Variants in POC1B observed in about 807,000 individuals in gnomAD.
POC1B encodes the protein POC1 centriolar protein B.
A neutral mutation model predicts 60.6 loss-of-function variants in POC1B; 44 were observed. The ratio of observed to expected loss-of-function variants is 0.73; its 90% CI spans 0.57 to 0.93. POC1B has a LOEUF of 0.93. POC1B is among the 40% of genes least tolerant of loss of function. The pLI is 0.00. For missense variants in POC1B, 555 were observed against 572.3 expected (o/e 0.97, Z 0.31); for synonymous variants, 180 against 198.9 (o/e 0.90, Z 0.80).
intron 4 of POC1B, among the ~76,000 whole-genome samples, chr12:89,486,761 T>G (rs1368336971): frequency 2.0e-5 from 3 of 152,176 alleles, no homozygotes; most frequent in Non-Finnish European, 4.4e-5. Flanking sequence ...GGAGCTAAAA[T>G]GAATGTCTTG....
intron 9 of POC1B, among the ~76,000 whole-genome samples, chr12:89,463,894 T>C (rs1485984808): frequency 2.0e-5 from 3 of 152,146 alleles, no homozygotes; most frequent in Non-Finnish European, 4.4e-5. Flanking sequence ...TTCAAACAAG[T>C]GAAGCGCTTA....
chr12:89,500,312 C>A, intron 2 of POC1B: 1 of 1,532,324 alleles, frequency 6.5e-7, no homozygotes, highest in South Asian at 1.1e-5. Context: ...TATTCAGTCA[C>A]CAAGCAAAGA....
At chr12:89,436,413 GA>G (rs1881269793) in intron 10 of POC1B, among the ~76,000 whole-genome samples, 1 of 152,100 alleles carries the variant, frequency 6.6e-6, no homozygotes, top group South Asian at 2.1e-4. Context: ...TAACCAGCAT[GA>G]TTCAAATAAG....
chr12:89,453,331 TA>T (rs1882129013), intron 10 of POC1B, among the ~76,000 whole-genome samples: 1 of 152,166 alleles, frequency 6.6e-6, no homozygotes, highest in Non-Finnish European at 1.5e-5. Flanking sequence ...GCAGTTAAGA[TA>T]AAAAGTCTCT....
At chr12:89,432,962 T>C (rs1474677202) in intron 10 of POC1B, among the ~76,000 whole-genome samples, 4 of 152,044 alleles carry the variant, frequency 2.6e-5, no homozygotes, top group Non-Finnish European at 4.4e-5. Flanking sequence ...GCCCTTGAGG[T>C]TGAAGACTAC....
intron 4 of POC1B, among the ~76,000 whole-genome samples, chr12:89,488,009 A>G (rs950191560): frequency 6.6e-6 from 1 of 152,130 alleles, no homozygotes; most frequent in African/African-American, 2.4e-5. Flanking sequence ...TCATCTCTAC[A>G]TACTTAATAT....
chr12:89,402,555 T>C, the POC1B span, among the ~76,000 whole-genome samples: 4 of 152,124 alleles, frequency 2.6e-5, no homozygotes, highest in African/African-American at 7.2e-5. Context: ...CCAGTGTTGG[T>C]TGTTTCCTTC....
intron 4 of POC1B, among the ~76,000 whole-genome samples, chr12:89,473,412 C>A (rs893863590): frequency 7.2e-5 from 11 of 151,962 alleles, no homozygotes. Flanking sequence ...GGCTCATGCC[C>A]GTAATCCCAG....
At chr12:89,441,073 G>A (rs530579633) in intron 10 of POC1B, among the ~76,000 whole-genome samples, 5 of 152,212 alleles carry the variant, frequency 3.3e-5, no homozygotes, top group African/African-American at 7.2e-5. Flanking sequence ...GGGGAGGGGC[G>A]TCTGCCATTG....
intron 2 of POC1B, among the ~76,000 whole-genome samples, chr12:89,518,547 G>C (rs1870588232): frequency 7.0e-6 from 1 of 142,964 alleles, no homozygotes; most frequent in Non-Finnish European, 1.5e-5. Context: ...ATAACATTTA[G>C]TCTTTTAAAG....
intron 2 of POC1B, among the ~76,000 whole-genome samples, chr12:89,518,324 A>G (rs1193977245): frequency 1.3e-5 from 2 of 152,188 alleles, no homozygotes; most frequent in East Asian, 3.8e-4. Context: ...TCATTCATAT[A>G]TATGTGTGTA....
At chr12:89,431,433 CTA>C (rs2120678579) in intron 10 of POC1B, among the ~76,000 whole-genome samples, 1 of 136,584 alleles carries the variant, frequency 7.3e-6, no homozygotes, top group South Asian at 2.7e-4. Context: ...TTTTAAATCA[CTA>C]CACACACACA....
the POC1B span, among the ~76,000 whole-genome samples, chr12:89,402,348 C>T: frequency 3.6e-4 from 54 of 151,716 alleles, no homozygotes; most frequent in African/African-American, 1.3e-3. Context: ...TACACACACA[C>T]ACACACACAC....
intron 4 of POC1B, among the ~76,000 whole-genome samples, chr12:89,480,727 A>T (rs1439106601): frequency 6.7e-6 from 1 of 149,822 alleles, no homozygotes; most frequent in East Asian, 2.0e-4. Context: ...CAGCCTCCTG[A>T]GTAGCTGGGA....
At chr12:89,426,134 C>T (rs1880754380) in intron 10 of POC1B, 1 of 152,126 alleles carries the variant, frequency 6.6e-6, no homozygotes, top group Non-Finnish European at 1.5e-5. Flanking sequence ...GAGCCAGACA[C>T]AAAAGGACAA....
intron 7 of POC1B, 143 bp from the exon 8 acceptor site, chr12:89,467,828 A>T (rs1882741633): frequency 2.1e-6 from 1 of 480,682 alleles, no homozygotes; most frequent in Non-Finnish European, 3.6e-6. Context: ...GTTGCTAGCA[A>T]CTAATGCTGG....
At chr12:89,449,843 A>AT (rs2120761758) in intron 10 of POC1B, among the ~76,000 whole-genome samples, 1 of 152,328 alleles carries the variant, frequency 6.6e-6, no homozygotes, top group Admixed American at 6.5e-5. Context: ...GAACAGAGCA[A>AT]TAAGACAGAA....
chr12:89,469,070 G>T (rs536780455), intron 7 of POC1B, among the ~76,000 whole-genome samples: 48 of 152,234 alleles, frequency 3.2e-4, no homozygotes, highest in African/African-American at 1.2e-3. Context: ...TTCAAAACAA[G>T]CCTGGCCAAC....
chr12:89,422,273 C>T (rs1446865458), intron 11 of POC1B, among the ~76,000 whole-genome samples: 1 of 152,124 alleles, frequency 6.6e-6, no homozygotes, highest in Non-Finnish European at 1.5e-5. Flanking sequence ...TGATTGCTTT[C>T]TTGTGTTTCT....
Sources: gnomAD v4.1 joint callset for allele counts (sites outside exome capture counted in the v4.1 genomes callset) on GRCh38, gnomAD v4.1.1 for gene constraint, MANE v1.5 for transcripts, NCBI Gene and HGNC (gene_info 2026-07-23, HGNC 2026-07-21) for gene names.